The following PACC1 variants were observed in gnomAD, a reference collection of about 807,000 sequenced individuals.
The protein encoded by PACC1 is proton activated chloride channel 1.
A neutral mutation model predicts 39.7 loss-of-function variants in PACC1; 34 were observed. The observed-to-expected ratio is 0.86, with a 90% CI of 0.65 to 1.14. The LOEUF is 1.14. Ranked by LOEUF, PACC1 falls within the 50% of genes most tolerant of loss-of-function variation. The pLI, the probability that PACC1 is intolerant of heterozygous loss-of-function variation, is 0.00. For missense variants in PACC1, 379 were observed against 436.4 expected (o/e 0.87, Z 1.17); for synonymous variants, 127 against 160.6 (o/e 0.79, Z 1.58).
chr1:212,387,129 AG>A, intron 2 of PACC1, 29 bp from the exon 3 acceptor site: 3 of 1,609,926 alleles, frequency 1.9e-6, no homozygotes, highest in Non-Finnish European at 2.5e-6. Context: ...CATGTGACCC[AG>A]GGCACAGGGA....
At chr1:212,394,373 A>G (rs1385077972) in intron 2 of PACC1, among the ~76,000 whole-genome samples, 3 of 152,266 alleles carry the variant, frequency 2.0e-5, no homozygotes, top group Admixed American at 2.0e-4. Flanking sequence ...AAGGCCTTTG[A>G]CAAAATTCAA....
intron 6 of PACC1, among the ~76,000 whole-genome samples, chr1:212,375,572 G>A (rs1258202915): frequency 4.6e-5 from 7 of 152,142 alleles, no homozygotes; most frequent in South Asian, 2.1e-4. Context: ...TTTGTCACTA[G>A]GTATCTGTAC....
chr1:212,401,351 C>T (rs115271414), intron 2 of PACC1, among the ~76,000 whole-genome samples: 3,332 of 152,098 alleles, frequency 0.022, 80 homozygotes, highest in East Asian at 0.12. Context: ...TACAGCTAGG[C>T]GCGGTGGCTC....
chr1:212,368,741 C>T (rs1355055629), intron 7 of PACC1, among the ~76,000 whole-genome samples: 8 of 151,796 alleles, frequency 5.3e-5, no homozygotes, highest in Non-Finnish European at 8.8e-5. Flanking sequence ...AATCAAGAGT[C>T]AATGGCCTTG....
chr1:212,372,029 A>C (rs1455125279), intron 7 of PACC1, among the ~76,000 whole-genome samples: 36 of 152,164 alleles, frequency 2.4e-4, no homozygotes, highest in Admixed American at 2.3e-3. Flanking sequence ...TCACTCCTGT[A>C]ATCCCAGCAC....
intron 5 of PACC1, among the ~76,000 whole-genome samples, chr1:212,378,293 A>T (rs934410483): frequency 6.6e-6 from 1 of 152,222 alleles, no homozygotes; most frequent in Admixed American, 6.5e-5. Flanking sequence ...TCACGAAAGG[A>T]GCGTGGAGTG....
At chr1:212,384,786 G>A (rs1661036175) in intron 4 of PACC1, among the ~76,000 whole-genome samples, 1 of 152,200 alleles carries the variant, frequency 6.6e-6, no homozygotes, top group South Asian at 2.1e-4. Flanking sequence ...CCAGCCCAGG[G>A]CCCAGGAGTC....
At chr1:212,369,253 G>C (rs1372099603) in intron 7 of PACC1, among the ~76,000 whole-genome samples, 1 of 152,054 alleles carries the variant, frequency 6.6e-6, no homozygotes, top group Non-Finnish European at 1.5e-5. Flanking sequence ...AAAATAAAAA[G>C]TAAGGAATTT....
chr1:212,414,260 GC>G (rs2102554815), intron 1 of PACC1, among the ~76,000 whole-genome samples: 1 of 152,360 alleles, frequency 6.6e-6, no homozygotes, highest in South Asian at 2.1e-4. Flanking sequence ...CGCGGGGACA[GC>G]GAGGCCTTGG....
intron 4 of PACC1, among the ~76,000 whole-genome samples, 188 bp downstream of exon 4, chr1:212,385,086 C>G (rs996240744): frequency 1.3e-5 from 2 of 152,242 alleles, no homozygotes; most frequent in African/African-American, 4.8e-5. Context: ...CCTCACTGTC[C>G]TCCCTGAATG....
intron 1 of PACC1, 47 bp downstream of exon 1, chr1:212,414,675 C>T: frequency 6.2e-7 from 1 of 1,611,978 alleles, no homozygotes; most frequent in East Asian, 2.2e-5. Flanking sequence ...CCCCGGGACC[C>T]TGCTCCTCCG....
rs762081021 is a variant in PACC1, at chr1:212,375,152, T to A, written c.891+41A>T. 5 of 1,443,614 alleles carry A rather than the reference T, an allele frequency of 3.5e-6. No individual in the cohort carries two copies. The South Asian group carries it at 5.9e-5, about 17-fold the overall frequency. 89.4% of individuals were successfully genotyped at this position (1,443,614 alleles called of 1,614,324 possible). A position where few individuals can be genotyped will look rare whatever the true frequency, so the allele number is the denominator to read the frequency against. On this transcript the variant is annotated intron_variant, in intron 7 of 7. Coordinates refer to ENST00000261455, the MANE Select transcript of PACC1 (RefSeq NM_018252.3). The stretch of plus-strand genomic sequence containing the variant: ...TCTATCATAATCTTAAATAATACTA[T>A]CATAATCTTAAATAATACTATCATA...
chr1:212,375,450 T>C (rs940975838), intron 6 of PACC1, 150 bp from the exon 7 acceptor site: 5 of 586,020 alleles, frequency 8.5e-6, no homozygotes, highest in Admixed American at 2.9e-5. Context: ...AAATCTCATA[T>C]ATACAAGATC....
rs754414655 is a variant in PACC1 at position 212,375,182 on chromosome 1, T to A, written c.891+11A>T. 8.3e-6 allele frequency: 13 copies of A among 1,572,786 alleles called. No individual in the cohort carries two copies. In the South Asian group the frequency reaches 1.2e-4, roughly 15 times the overall value. On this transcript the variant is annotated intron_variant, in intron 7 of 7. Transcript: ENST00000261455. ...ATCTTAAATAATACTATCATAATCT[T>A]AAATACTCACATCTTGGACTTTCTG...
intron 2 of PACC1, among the ~76,000 whole-genome samples, chr1:212,404,928 C>T (rs1262036688): frequency 6.6e-6 from 1 of 152,028 alleles, no homozygotes; most frequent in Non-Finnish European, 1.5e-5. Context: ...GCCACCATGC[C>T]CCGGCTAGTT....
At chr1:212,404,111 T>G (rs1425735522) in intron 2 of PACC1, among the ~76,000 whole-genome samples, 1 of 151,796 alleles carries the variant, frequency 6.6e-6, no homozygotes, top group Non-Finnish European at 1.5e-5. Flanking sequence ...TATTTTTTAT[T>G]TATTTATTTT....
Position 212,384,604 on chromosome 1 carries a change from CT to C in PACC1, c.495+669del, listed in dbSNP as rs1196309035. On this transcript the variant is annotated intron_variant, in intron 4 of 7. Coordinates refer to ENST00000261455, the MANE Select transcript of PACC1 (RefSeq NM_018252.3). The stretch of plus-strand genomic sequence containing the variant: ...TTCATCTGGAAAACTATTGTAGCCC[CT>C]TTCAATGCTTTCTGAAGCAAGAATA... 2.6e-5 allele frequency among the ~76,000 whole-genome samples: 4 copies of C among 152,228 alleles called. No individual in the cohort carries two copies. In the East Asian group the frequency reaches 7.7e-4, roughly 29 times the overall value.
At chr1:212,371,931 T>C (rs1283670439) in intron 7 of PACC1, among the ~76,000 whole-genome samples, 1 of 152,166 alleles carries the variant, frequency 6.6e-6, no homozygotes, top group Admixed American at 6.5e-5. Flanking sequence ...AAAAATCATG[T>C]AATCATTTCA....
intron 5 of PACC1, among the ~76,000 whole-genome samples, chr1:212,379,134 G>GCT (rs1558167676): frequency 6.6e-6 from 1 of 151,850 alleles, no homozygotes; most frequent in Admixed American, 6.6e-5. Flanking sequence ...TAGTAGAGAT[G>GCT]GGGTTTCACC....
Sources: allele counts gnomAD v4.1 joint callset (sites outside exome capture counted in the v4.1 genomes callset), GRCh38; gene constraint gnomAD v4.1.1; transcripts MANE v1.5; gene names NCBI Gene and HGNC (gene_info 2026-07-23, HGNC 2026-07-21).